Variants in NFIB observed in about 807,000 individuals in gnomAD.
NFIB encodes the protein nuclear factor 1 B-type.
A neutral mutation model predicts 61.5 loss-of-function variants in NFIB; 11 were observed. The observed-to-expected ratio is 0.18, with a 90% CI of 0.11 to 0.30. The LOEUF is 0.30. Among genes scored for constraint, NFIB ranks in the 10% least tolerant of loss-of-function variants. The pLI, the probability that NFIB is intolerant of heterozygous loss-of-function variation, is 1.00. For missense variants in NFIB, 471 were observed against 608.9 expected (o/e 0.77, Z 2.38); for synonymous variants, 260 against 216.5 (o/e 1.20, Z -1.76).
the NFIB span, among the ~76,000 whole-genome samples, chr9:14,407,468 G>C: frequency 5.3e-5 from 8 of 152,254 alleles, no homozygotes; most frequent in Admixed American, 2.0e-4. Flanking sequence ...ATAGGTCTGA[G>C]GAGGGTCCAT....
intron 1 of NFIB, among the ~76,000 whole-genome samples, chr9:14,387,681 A>G (rs5006544): frequency 1.3e-5 from 2 of 152,188 alleles, no homozygotes; most frequent in Non-Finnish European, 2.9e-5. Flanking sequence ...CCAGCAAAAA[A>G]TTTTCCAGTC....
At chr9:14,126,761 C>G (rs867440337) in intron 6 of NFIB, among the ~76,000 whole-genome samples, 1 of 152,176 alleles carries the variant, frequency 6.6e-6, no homozygotes, top group Non-Finnish European at 1.5e-5. Flanking sequence ...CAGTTTAAAA[C>G]AATTCCCCCA....
At chr9:14,229,502 T>C (rs987549819) in intron 2 of NFIB, among the ~76,000 whole-genome samples, 1 of 152,182 alleles carries the variant, frequency 6.6e-6, no homozygotes, top group African/African-American at 2.4e-5. Flanking sequence ...GGCTCCTAAA[T>C]ATAAACTGGA....
chr9:14,489,177 G>A, the NFIB span, among the ~76,000 whole-genome samples: 10 of 152,152 alleles, frequency 6.6e-5, no homozygotes, highest in Admixed American at 5.9e-4. Flanking sequence ...AAGATCTATA[G>A]TTTTATCCTT....
intron 2 of NFIB, among the ~76,000 whole-genome samples, chr9:14,272,780 C>T (rs1327252690): frequency 1.3e-5 from 2 of 149,046 alleles, no homozygotes; most frequent in Non-Finnish European, 3.0e-5. Flanking sequence ...GAACATGCTA[C>T]ATTTTTAAAT....
chr9:14,367,491 G>T (rs978388844), intron 1 of NFIB, among the ~76,000 whole-genome samples: 2 of 152,034 alleles, frequency 1.3e-5, no homozygotes, highest in Non-Finnish European at 2.9e-5. Context: ...TGTGAATTGG[G>T]AATGAGGGTC....
chr9:14,337,642 C>T (rs1309407689), intron 1 of NFIB, among the ~76,000 whole-genome samples: 1 of 152,202 alleles, frequency 6.6e-6, no homozygotes, highest in East Asian at 1.9e-4. Context: ...ATTTGGAGCC[C>T]CACTGGGGTG....
chr9:14,530,011 AAT>A, the NFIB span, among the ~76,000 whole-genome samples: 24 of 152,230 alleles, frequency 1.6e-4, no homozygotes, highest in African/African-American at 5.5e-4. Context: ...TCAAAATATT[AAT>A]AGTGATTGGC....
intron 6 of NFIB, among the ~76,000 whole-genome samples, chr9:14,135,392 T>C (rs1269094213): frequency 6.6e-6 from 1 of 152,192 alleles, no homozygotes; most frequent in Admixed American, 6.5e-5. Context: ...AATGCTTCAA[T>C]GTAACATTTG....
chr9:14,312,871 G>T (rs1427006220), intron 1 of NFIB, among the ~76,000 whole-genome samples: 1 of 152,084 alleles, frequency 6.6e-6, no homozygotes, highest in Non-Finnish European at 1.5e-5. Flanking sequence ...CCTTTGTGGT[G>T]CGGTCACTAG....
At chr9:14,284,496 A>G (rs1424214240) in intron 2 of NFIB, among the ~76,000 whole-genome samples, 1 of 152,204 alleles carries the variant, frequency 6.6e-6, no homozygotes, top group Admixed American at 6.5e-5. Context: ...CAAACCTCAT[A>G]AACTCTTATC....
At chr9:14,464,084 G>A in the NFIB span, among the ~76,000 whole-genome samples, 5 of 152,132 alleles carry the variant, frequency 3.3e-5, no homozygotes, top group Admixed American at 2.6e-4. Context: ...CAGCCCTACC[G>A]CTAGTGACTG....
At chr9:14,529,450 C>A in the NFIB span, among the ~76,000 whole-genome samples, 4 of 152,086 alleles carry the variant, frequency 2.6e-5, no homozygotes, top group Non-Finnish European at 4.4e-5. Context: ...GAATCAGTGT[C>A]ACGGTGAGAG....
intron 2 of NFIB, among the ~76,000 whole-genome samples, chr9:14,209,215 T>C (rs2050062485): frequency 6.6e-6 from 1 of 152,248 alleles, no homozygotes; most frequent in African/African-American, 2.4e-5. Context: ...TATGTTCTTT[T>C]CATCACTGAA....
chr9:14,152,046 T>G (rs76648226), intron 4 of NFIB, among the ~76,000 whole-genome samples: 3,554 of 152,206 alleles, frequency 0.023, 90 homozygotes, highest in African/African-American at 0.066. Context: ...TAACTTAAAA[T>G]ATTTTTAAGA....
At chr9:14,442,363 G>A in the NFIB span, among the ~76,000 whole-genome samples, 1 of 152,238 alleles carries the variant, frequency 6.6e-6, no homozygotes, top group East Asian at 1.9e-4. Flanking sequence ...TCTTCCACAA[G>A]GGGTCGTTGA....
chr9:14,177,219 G>C (rs972260792), intron 3 of NFIB, among the ~76,000 whole-genome samples: 5 of 152,074 alleles, frequency 3.3e-5, no homozygotes, highest in African/African-American at 1.2e-4. Flanking sequence ...GCCAAGGCAA[G>C]AATACAGAGA....
At chr9:14,291,092 A>T (rs886399533) in intron 2 of NFIB, among the ~76,000 whole-genome samples, 16 of 152,122 alleles carry the variant, frequency 1.1e-4, no homozygotes, top group Admixed American at 9.2e-4. Context: ...CTCTGTTTCA[A>T]TGTGTTAATC....
chr9:14,377,267 CTG>C (rs1397929740), intron 1 of NFIB, among the ~76,000 whole-genome samples: 3 of 152,212 alleles, frequency 2.0e-5, no homozygotes, highest in Non-Finnish European at 4.4e-5. Context: ...GTTCCCAAGA[CTG>C]GGGTGCAATG....
Sources: gnomAD v4.1 joint callset for allele counts (sites outside exome capture counted in the v4.1 genomes callset) on GRCh38, gnomAD v4.1.1 for gene constraint, MANE v1.5 for transcripts, NCBI Gene and HGNC (gene_info 2026-07-23, HGNC 2026-07-21) for gene names.